Variants in UBN1 observed in about 807,000 individuals in gnomAD.
The protein encoded by UBN1 is ubinuclein 1.
Under a neutral mutation model 108.5 loss-of-function variants are expected in UBN1, and 17 were observed. The ratio of observed to expected loss-of-function variants is 0.16; its 90% CI spans 0.11 to 0.24. The LOEUF (loss-of-function observed/expected upper bound fraction) is 0.24, where lower values mean the gene tolerates loss of function less well. Among genes scored for constraint, UBN1 ranks in the 10% least tolerant of loss-of-function variants. The pLI is 1.00. For missense variants in UBN1, 1,595 were observed against 1,394.4 expected, an observed-to-expected ratio of 1.14 and a Z score of -2.29; for synonymous variants, 726 against 564.2, an observed-to-expected ratio of 1.29 and a Z score of -4.07.
chr16:4,872,986 C>T (rs755201330), intron 13 of UBN1, 45 bp from the exon 14 acceptor site: 2 of 1,614,184 alleles, frequency 1.2e-6, no homozygotes, highest in South Asian at 1.1e-5. Context: ...TTTTGGTCTC[C>T]TCTGGATATT....
rs1328521909 is a variant in UBN1 at position 4,880,245 on chromosome 16, G to C, written c.*113G>C. ...TGCTGCTTGGTGTTCTTCTGGAGGA[G>C]CGTGAGTTCTCAGCGGAGCGCTTCT... On this transcript the variant is annotated 3_prime_UTR_variant, in exon 18 of 18. Coordinates refer to ENST00000262376, the MANE Select transcript of UBN1 (RefSeq NM_001079514.3). 3.2e-6 allele frequency: 4 copies of C among 1,265,722 alleles called. No individual in the cohort carries two copies. The highest frequency in any genetic ancestry group is 4.6e-6 in the Non-Finnish European group (4 of 868,412). The allele number at this position is 1,265,722 out of a possible 1,614,324, so 78.4% of individuals were successfully genotyped here.
Position 4,875,432 on chromosome 16 carries a change from T to C in UBN1, c.3022T>C (p.Ser1008Pro). The C allele has an allele frequency of 6.2e-7, 1 of 1,606,658 alleles. No individual in the cohort carries two copies. The highest frequency in any genetic ancestry group is 8.5e-7 in the Non-Finnish European group (1 of 1,175,004). Residue 1008 changes from serine (S) to proline (P), a missense_variant and splice_region_variant, in exon 15 of 18, where the codon TCA (serine) becomes CCA (proline). Physicochemically the swap from Ser to Pro is moderately conservative, Grantham distance 74. This residue lies in a region of UBN1 where 1,398 missense variants were observed against 1,194.7 expected (regional missense o/e 1.17). Coordinates refer to ENST00000262376, the MANE Select transcript of UBN1 (RefSeq NM_001079514.3). ...TAGTGTGACATCGTCTACCTCCTTG[T>C]CAGTGAGTATCTGTCATAGCAGCCT... The part of the protein sequence containing the change: ...VSSVTSSTSL[S>P]KGASGTVLLA...
At chr16:4,866,443 A>G (rs2087336631) in intron 7 of UBN1, among the ~76,000 whole-genome samples, 1 of 152,234 alleles carries the variant, frequency 6.6e-6, no homozygotes, top group Non-Finnish European at 1.5e-5. Context: ...CTCAGTCAAC[A>G]TTTAGTAAAT....
At chr16:4,858,451 A>C in intron 3 of UBN1, 117 bp from the exon 4 acceptor site, 1 of 851,198 alleles carries the variant, frequency 1.2e-6, no homozygotes, top group Non-Finnish European at 1.9e-6. Flanking sequence ...TATGTGAGAG[A>C]GTGACTGTTT....
In UBN1 at chr16:4,871,248, C is replaced by T. The variant is rs55736099; in HGVS notation, c.1653C>T (p.Gly551=). Residue 551 remains glycine (G), a synonymous_variant, in exon 12 of 18, where the codon GGC becomes GGT. Transcript: ENST00000262376. ...AGGCTTGGGAGGACTGTGTGAAGGG[C>T]TTTCTGGATGCGGAAGTCAAGCCCC... ...KAQAWEDCVK[G]FLDAEVKPLW... is the part of the protein sequence containing the mutation. 3 of 1,614,222 alleles carry T rather than the reference C, an allele frequency of 1.9e-6. No homozygotes were observed. The African/African-American group carries it at 4.0e-5, about 22-fold the overall frequency.
intron 2 of UBN1, among the ~76,000 whole-genome samples, chr16:4,855,606 CA>C (rs36072146): frequency 0.041 from 3,285 of 80,210 alleles, 86 homozygotes; most frequent in African/African-American, 0.11. Flanking sequence ...GACCCTGTGT[CA>C]AAAAAAAAAA....
At chr16:4,874,108 G>A in intron 14 of UBN1, 103 bp from the exon 15 acceptor site, 1 of 1,403,318 alleles carries the variant, frequency 7.1e-7, no homozygotes, top group Admixed American at 2.4e-5. Context: ...ATACAGGAAG[G>A]CCCAGTTTTT....
intron 13 of UBN1, 28 bp from the exon 14 acceptor site, chr16:4,873,003 A>G (rs752738611): frequency 8.7e-6 from 14 of 1,614,012 alleles, no homozygotes; most frequent in African/African-American, 2.7e-5. Flanking sequence ...TATTCTCTAA[A>G]CTTTTCTGTG....
At chr16:4,859,751 G>T in intron 5 of UBN1, 114 bp from the exon 6 acceptor site, 1 of 1,496,822 alleles carries the variant, frequency 6.7e-7, no homozygotes, top group East Asian at 2.4e-5. Context: ...TGTTCATGAA[G>T]GAAATGAGAC....
chr16:4,874,178 T>C, intron 14 of UBN1, 33 bp from the exon 15 acceptor site: 1 of 1,517,450 alleles, frequency 6.6e-7, no homozygotes, highest in Non-Finnish European at 8.8e-7. Flanking sequence ...TCTTTGGACC[T>C]TTCTAAACAT....
At chr16:4,866,806 C>T (rs922888156) in intron 7 of UBN1, among the ~76,000 whole-genome samples, 17 of 152,254 alleles carry the variant, frequency 1.1e-4, no homozygotes, top group African/African-American at 3.1e-4. Flanking sequence ...GCCACCGCGC[C>T]GGGCCAAGGT....
Position 4,853,104 on chromosome 16 carries a change from T to C in UBN1, c.187T>C (p.Phe63Leu). The change falls in exon 2 of 18, where the codon TTC becomes CTC. Residue 63 changes from phenylalanine (F) to leucine (L), a missense_variant. Phe to Leu is a conservative substitution (Grantham distance 22, BLOSUM62 0). This residue lies in a region of UBN1 where 181 missense variants were observed against 157.3 expected (regional missense o/e 1.15). Transcript: ENST00000262376. ...AGATCACAAACGCTGCCCAGAGTTCTTCTACCCAGAGCTGGTGAAGAATAT... is the reference window on the plus strand; with the variant it reads ...AGATCACAAACGCTGCCCAGAGTTCCTCTACCCAGAGCTGGTGAAGAATAT... ...EPDHKRCPEF[F>L]YPELVKNIRG... 6.2e-7 allele frequency: 1 copy of C among 1,614,240 alleles called. No individual in the cohort carries two copies. The highest frequency in any genetic ancestry group is 8.5e-7 in the Non-Finnish European group (1 of 1,180,046).
At chr16:4,858,097 A>G in intron 3 of UBN1, 21 bp downstream of exon 3, 1 of 1,536,070 alleles carries the variant, frequency 6.5e-7, no homozygotes, top group Non-Finnish European at 9.0e-7. Context: ...TCTCTTGAAT[A>G]ACAAAACAAC....
At chr16:4,867,953 C>G (rs182355303) in intron 7 of UBN1, among the ~76,000 whole-genome samples, 41 of 152,282 alleles carry the variant, frequency 2.7e-4, no homozygotes, top group African/African-American at 9.4e-4. Context: ...GTTCCCAGCC[C>G]TTTTTGCACA....
intron 1 of UBN1, among the ~76,000 whole-genome samples, chr16:4,849,832 A>G (rs1333420242): frequency 6.6e-6 from 1 of 151,352 alleles, no homozygotes; most frequent in African/African-American, 2.4e-5. Context: ...CCTAGGCTCC[A>G]GCGATCATCC....
chr16:4,862,450 A>G (rs8058896), intron 7 of UBN1, among the ~76,000 whole-genome samples: 13,371 of 152,270 alleles, frequency 0.088, 637 homozygotes, highest in African/African-American at 0.12. Context: ...ATCTCTTAGT[A>G]TGACATTGAG....
chr16:4,873,064 C>G lies in UBN1; in HGVS notation c.1791C>G (p.Ile597Met), dbSNP rs998963744. ...AGAAAGTTATGGCCCCTTCTAAAATCAAGGTGAAGGTGAGTCAGTTTGCTC... is the reference window on the plus strand; with the variant it reads ...AGAAAGTTATGGCCCCTTCTAAAATGAAGGTGAAGGTGAGTCAGTTTGCTC... ...AKKKVMAPSK[I>M]KVKESSTKPD... Residue 597 changes from isoleucine (I) to methionine (M), a missense_variant, in exon 14 of 18, where the codon ATC (isoleucine) becomes ATG (methionine). This residue lies in a region of UBN1 where 1,398 missense variants were observed against 1,194.7 expected (regional missense o/e 1.17). Coordinates refer to ENST00000262376, the MANE Select transcript of UBN1 (RefSeq NM_001079514.3). 6 of 1,614,040 alleles carry G rather than the reference C, an allele frequency of 3.7e-6. No homozygotes were observed. The Admixed American group carries it at 6.7e-5, about 18-fold the overall frequency.
intron 1 of UBN1, among the ~76,000 whole-genome samples, chr16:4,851,399 G>T (rs1210028184): frequency 1.3e-5 from 2 of 152,080 alleles, no homozygotes; most frequent in Non-Finnish European, 2.9e-5. Context: ...TCAGTGAGCT[G>T]AGATTGAGTC....
In UBN1 at chr16:4,874,947, A is replaced by G; in HGVS notation, c.2537A>G (p.Lys846Arg). 1 of 1,614,206 alleles carries G rather than the reference A, an allele frequency of 6.2e-7. No homozygotes were observed. The highest frequency in any genetic ancestry group is 8.5e-7 in the Non-Finnish European group (1 of 1,180,042). ...CATCGTTCCCTCCTGCAGTTAGTGAAGACAGCGGCCAAAGGCCAGGGCTTC... is the reference window on the plus strand; with the variant it reads ...CATCGTTCCCTCCTGCAGTTAGTGAGGACAGCGGCCAAAGGCCAGGGCTTC... The part of the protein sequence containing the change: ...QCHRSLLQLV[K>R]TAAKGQGFHP... The change falls in exon 15 of 18, where the codon AAG (lysine) becomes AGG (arginine). Residue 846 changes from lysine (K) to arginine (R), a missense_variant. This residue lies in a region of UBN1 where 1,398 missense variants were observed against 1,194.7 expected (regional missense o/e 1.17). Coordinates refer to ENST00000262376, the MANE Select transcript of UBN1 (RefSeq NM_001079514.3).
Sources: gnomAD v4.1 joint callset for allele counts (sites outside exome capture counted in the v4.1 genomes callset) on GRCh38, gnomAD v4.1.1 for gene constraint, gnomAD v4.1.1 regional missense constraint, MANE v1.5 for transcripts, NCBI Gene and HGNC (gene_info 2026-07-23, HGNC 2026-07-21) for gene names.